XG: variants seen among roughly 807,000 people sequenced by gnomAD.
XG encodes the protein Xg glycoprotein (Xg blood group), also known as glycoprotein Xg.
Under a neutral mutation model 25.7 loss-of-function variants are expected in XG, and 24 were observed. The observed-to-expected ratio is 0.93, with a 90% confidence interval of 0.68 to 1.31. XG has a LOEUF of 1.31. Among genes scored for constraint, XG ranks in the 40% most tolerant of loss-of-function variants. The probability of loss-of-function intolerance (pLI) is 0.00; values close to 1 mark genes in which losing one functional copy is unlikely to be tolerated. For missense variants in XG, 181 were observed against 187.6 expected (o/e 0.96, Z 0.21); for synonymous variants, 77 against 69.2 (o/e 1.11, Z -0.56).
At chrX:2,765,841 CTGTT>C (rs1325138247) in intron 1 of XG, among the ~76,000 whole-genome samples, 1 of 152,188 alleles carries the variant, frequency 6.6e-6, no homozygotes, top group East Asian at 1.9e-4. Context: ...TGCAAAATTG[CTGTT>C]TGTTATATTG....
rs775965774 is a variant in XG, at chrX:2,752,298, C to T, written c.24C>T (p.Pro8=). The T allele has an allele frequency of 4.3e-5, 70 of 1,613,678 alleles. No homozygotes were observed. The South Asian group carries it at 5.3e-4, about 12-fold the overall frequency. MESWWGL[P]CLAFLCFLMH... The stretch of plus-strand genomic sequence containing the variant: ...CCATGGAGAGCTGGTGGGGACTTCC[C>T]TGTCTTGCGTTCCTGTGTTTTCTAA... The change falls in exon 1 of 11, where the codon CCC becomes CCT. Residue 8 remains proline, a synonymous_variant. Coordinates refer to ENST00000644266, the MANE Select transcript of XG (RefSeq NM_001141919.2).
intron 2 of XG, 80 bp from the exon 3 acceptor site, chrX:2,774,636 T>C (rs1349540626): frequency 4.7e-6 from 7 of 1,503,276 alleles, no homozygotes; most frequent in Non-Finnish European, 6.5e-6. Flanking sequence ...TCACCTTTCA[T>C]CAGGGCGTTC....
intron 7 of XG, among the ~76,000 whole-genome samples, chrX:2,806,440 G>A (rs2086998669): frequency 1.8e-5 from 2 of 108,941 alleles, no homozygotes; most frequent in African/African-American, 6.7e-5. Flanking sequence ...TTTTTATGCC[G>A]AAGAAAACAC....
At position 2,758,639 on chromosome X, in the gene XG, G is replaced by A. The variant is rs147706636; in HGVS notation, c.61+6304G>A. ...ATGTTTATCCACAGGGACACTTGTC[G>A]ATATCTTGAGGCTTTGCGTTGCCAC... On this transcript the variant is annotated intron_variant, in intron 1 of 10. Transcript: ENST00000644266. Among the ~76,000 whole-genome samples the A allele has an allele frequency of 9.1e-3, 1,380 of 152,288 alleles. 19 individuals are homozygous for A. Among genetic ancestry groups the A allele is most frequent in the African/African-American group, 0.032 (1,318 of 41,558 alleles).
intron 5 of XG, among the ~76,000 whole-genome samples, chrX:2,793,183 G>A (rs768544188): frequency 3.8e-4 from 42 of 111,591 alleles, no homozygotes; most frequent in African/African-American, 1.3e-3. Flanking sequence ...GGTTGCACCC[G>A]GCTTGCATTT....
intron 10 of XG, among the ~76,000 whole-genome samples, chrX:2,812,643 C>T (rs971676233): frequency 1.1e-4 from 12 of 111,840 alleles, no homozygotes; most frequent in African/African-American, 3.9e-4. Flanking sequence ...AATGAACCTC[C>T]GTTTGGGGTG....
chrX:2,758,427 T>A (rs1405552032), intron 1 of XG, among the ~76,000 whole-genome samples: 1 of 152,232 alleles, frequency 6.6e-6, no homozygotes, highest in Non-Finnish European at 1.5e-5. Context: ...TATGTGCTTC[T>A]TTTAAGAGAT....
chrX:2,754,747 T>A (rs1264169362), intron 1 of XG, among the ~76,000 whole-genome samples: 3 of 152,104 alleles, frequency 2.0e-5, no homozygotes, highest in African/African-American at 4.8e-5. Flanking sequence ...TAGGCCAGTG[T>A]CTCTTTTCAC....
chrX:2,774,005 G>C (rs367729693), intron 2 of XG, among the ~76,000 whole-genome samples: 33 of 149,884 alleles, frequency 2.2e-4, no homozygotes, highest in African/African-American at 6.1e-4. Context: ...GTGAATGTCC[G>C]CACCACACAC....
At chrX:2,790,772 A>G (rs997966697) in intron 5 of XG, among the ~76,000 whole-genome samples, 17 of 112,042 alleles carry the variant, frequency 1.5e-4, no homozygotes, top group African/African-American at 4.2e-4. Flanking sequence ...TGCACAATCT[A>G]TCTAGGTGAT....
intron 4 of XG, among the ~76,000 whole-genome samples, chrX:2,787,742 A>G (rs1310838482): frequency 9.0e-6 from 1 of 110,523 alleles, no homozygotes; most frequent in Non-Finnish European, 1.9e-5. Flanking sequence ...CCCTGTCTCT[A>G]CTAAAAATAC....
chrX:2,813,094 T>A (rs2087073450), intron 10 of XG, among the ~76,000 whole-genome samples: 1 of 112,305 alleles, frequency 8.9e-6, no homozygotes. Context: ...AGCACGTTTT[T>A]GCTAAAGAGG....
intron 1 of XG, among the ~76,000 whole-genome samples, chrX:2,765,066 G>T (rs1241035987): frequency 1.7e-5 from 1 of 59,848 alleles, no homozygotes; most frequent in Non-Finnish European, 3.4e-5. Flanking sequence ...AAAAAAAAAA[G>T]GCTAGGCACG....
chrX:2,794,734 C>A, intron 6 of XG, 131 bp downstream of exon 6: 1 of 737,459 alleles, frequency 1.4e-6, no homozygotes, highest in Non-Finnish European at 1.9e-6. Flanking sequence ...TAAGCTGGTG[C>A]AGGGGATGAC....
intron 1 of XG, among the ~76,000 whole-genome samples, chrX:2,757,481 G>A (rs950556318): frequency 4.0e-5 from 6 of 151,784 alleles, no homozygotes; most frequent in African/African-American, 1.5e-4. Context: ...GTGTGCATTT[G>A]TATAGAGCTG....
Position 2,796,852 on chromosome X carries a change from C to T in XG, c.323-458C>T, listed in dbSNP as rs371447010. Among the ~76,000 whole-genome samples the T allele has an allele frequency of 2.1e-4, 24 of 111,975 alleles. 1 individual carries two copies. In the South Asian group the frequency reaches 4.1e-3, roughly 19 times the overall value. ...GTGTTTACTTGCAATAAATAAAGAG[C>T]GCTGTCTTAGGATTTATTACAATAA... On this transcript the variant is annotated intron_variant, in intron 6 of 10. Coordinates refer to ENST00000644266, the MANE Select transcript of XG (RefSeq NM_001141919.2).
At chrX:2,794,334 C>T (rs1329791078) in intron 5 of XG, among the ~76,000 whole-genome samples, 4 of 112,347 alleles carry the variant, frequency 3.6e-5, no homozygotes, top group Non-Finnish European at 7.5e-5. Flanking sequence ...ACGTTCTGGG[C>T]CCTGCACACG....
At chrX:2,756,209 G>A (rs1002936689) in intron 1 of XG, among the ~76,000 whole-genome samples, 45 of 152,226 alleles carry the variant, frequency 3.0e-4, no homozygotes, top group African/African-American at 9.4e-4. Context: ...AGTATTTGCC[G>A]TCCAATCCAG....
chrX:2,811,591 T>A (rs1320869897), intron 10 of XG, 139 bp downstream of exon 10: 4 of 455,139 alleles, frequency 8.8e-6, no homozygotes, highest in South Asian at 4.7e-5. Context: ...TGTGATTTTT[T>A]AAAATTTATT....
Sources: gnomAD v4.1 joint callset for allele counts (sites outside exome capture counted in the v4.1 genomes callset) on GRCh38, gnomAD v4.1.1 for gene constraint, MANE v1.5 for transcripts, NCBI Gene and HGNC (gene_info 2026-07-23, HGNC 2026-07-21) for gene names.